LDAH: variants seen among roughly 807,000 people sequenced by gnomAD.
The protein encoded by LDAH is lipid droplet-associated hydrolase.
In LDAH, 26 loss-of-function variants were observed where a neutral mutation model predicts 29.6. The ratio of observed to expected loss-of-function variants is 0.88; its 90% CI spans 0.64 to 1.22. The LOEUF (loss-of-function observed/expected upper bound fraction) is 1.22. Among genes scored for constraint, LDAH ranks in the 50% most tolerant of loss-of-function variants. The pLI is 0.00. For synonymous variants in LDAH, 117 were observed against 133.0 expected (o/e 0.88, Z 0.83); for missense variants, 344 against 387.3 (o/e 0.89, Z 0.94).
At chr2:20,821,035 T>C (rs1402264419) in intron 1 of LDAH, among the ~76,000 whole-genome samples, 2 of 151,966 alleles carry the variant, frequency 1.3e-5, no homozygotes, top group Non-Finnish European at 2.9e-5. Context: ...TCACTGGCCA[T>C]CAGAGAAATG....
chr2:20,802,409 G>A (rs1284627188), intron 1 of LDAH, among the ~76,000 whole-genome samples: 3 of 152,094 alleles, frequency 2.0e-5, no homozygotes, highest in Admixed American at 2.0e-4. Context: ...TTATGAAATG[G>A]ATAGGTGGGA....
At chr2:20,797,094 C>A (rs931597116) in intron 2 of LDAH, among the ~76,000 whole-genome samples, 1 of 152,210 alleles carries the variant, frequency 6.6e-6, no homozygotes, top group South Asian at 2.1e-4. Context: ...TTCAAACTCT[C>A]CTTCACTACT....
At chr2:20,721,141 G>A (rs1159003021) in intron 5 of LDAH, among the ~76,000 whole-genome samples, 1 of 152,022 alleles carries the variant, frequency 6.6e-6, no homozygotes, top group Non-Finnish European at 1.5e-5. Context: ...ATTACACCAA[G>A]CTAAAAAGCT....
At chr2:20,695,341 C>G (rs1663360490) in intron 6 of LDAH, among the ~76,000 whole-genome samples, 3 of 152,056 alleles carry the variant, frequency 2.0e-5, no homozygotes, top group South Asian at 2.1e-4. Flanking sequence ...AGAAGAGGAA[C>G]AGTTAGGCAA....
At chr2:20,732,393 TAGCTTCA>T in intron 5 of LDAH, among the ~76,000 whole-genome samples, 2 of 152,312 alleles carry the variant, frequency 1.3e-5, no homozygotes, top group Middle Eastern at 6.8e-3. Context: ...TAGATAATAC[TAGCTTCA>T]AAAAGTGAAT....
intron 4 of LDAH, among the ~76,000 whole-genome samples, chr2:20,772,061 G>T (rs1252321672): frequency 6.6e-6 from 1 of 152,218 alleles, no homozygotes; most frequent in Non-Finnish European, 1.5e-5. Flanking sequence ...ACCTTGAGAT[G>T]CATTCTACTT....
intron 5 of LDAH, among the ~76,000 whole-genome samples, chr2:20,731,451 C>T (rs1396383890): frequency 6.6e-6 from 1 of 152,178 alleles, no homozygotes; most frequent in African/African-American, 2.4e-5. Context: ...AAGTGGATGC[C>T]TCTTCCTGTA....
At chr2:20,767,411 G>A in intron 4 of LDAH, among the ~76,000 whole-genome samples, 1 of 152,238 alleles carries the variant, frequency 6.6e-6, no homozygotes, top group Non-Finnish European at 1.5e-5. Flanking sequence ...CACTGTCACA[G>A]CCCGGCTGGG....
chr2:20,723,147 G>A (rs887725454), intron 5 of LDAH, among the ~76,000 whole-genome samples: 2 of 152,176 alleles, frequency 1.3e-5, no homozygotes, highest in Non-Finnish European at 2.9e-5. Flanking sequence ...CATTCATCCA[G>A]TGGAAAAGTA....
chr2:20,708,423 T>C (rs1664465924), intron 5 of LDAH, among the ~76,000 whole-genome samples: 1 of 152,120 alleles, frequency 6.6e-6, no homozygotes, highest in Non-Finnish European at 1.5e-5. Context: ...CTCAATAATA[T>C]TTATAGAAGT....
intron 5 of LDAH, among the ~76,000 whole-genome samples, chr2:20,723,712 C>T (rs1036248670): frequency 1.3e-5 from 2 of 151,994 alleles, no homozygotes; most frequent in African/African-American, 2.4e-5. Flanking sequence ...AATAATAATA[C>T]CAAATAGAAG....
At chr2:20,780,721 G>C (rs1388303132) in intron 3 of LDAH, among the ~76,000 whole-genome samples, 1 of 152,192 alleles carries the variant, frequency 6.6e-6, no homozygotes, top group Non-Finnish European at 1.5e-5. Flanking sequence ...CCCTACTTCT[G>C]TCTGCCCTGG....
At chr2:20,805,740 A>G (rs1221186337) in intron 1 of LDAH, among the ~76,000 whole-genome samples, 1 of 152,110 alleles carries the variant, frequency 6.6e-6, no homozygotes, top group Non-Finnish European at 1.5e-5. Flanking sequence ...TTCCAATTAA[A>G]TCTCATACAA....
At chr2:20,731,261 CTT>C (rs1213517841) in intron 5 of LDAH, among the ~76,000 whole-genome samples, 2 of 152,192 alleles carry the variant, frequency 1.3e-5, no homozygotes, top group African/African-American at 4.8e-5. Context: ...TTTCTCATGA[CTT>C]AACACCATCC....
chr2:20,737,826 C>A (rs544303063), intron 5 of LDAH, among the ~76,000 whole-genome samples: 125 of 152,198 alleles, frequency 8.2e-4, no homozygotes, highest in African/African-American at 2.8e-3. Flanking sequence ...GTAAGGCATT[C>A]CGAGCCTCTA....
At chr2:20,771,746 A>G (rs996094041) in intron 4 of LDAH, among the ~76,000 whole-genome samples, 1 of 150,394 alleles carries the variant, frequency 6.6e-6, no homozygotes, top group African/African-American at 2.5e-5. Context: ...CTACCCCCCA[A>G]AAGAGGTGAC....
At chr2:20,794,772 T>C (rs1334657702) in intron 2 of LDAH, among the ~76,000 whole-genome samples, 1 of 152,202 alleles carries the variant, frequency 6.6e-6, no homozygotes, top group Non-Finnish European at 1.5e-5. Context: ...TCACTTGCTA[T>C]AGTTCTCTGT....
intron 2 of LDAH, among the ~76,000 whole-genome samples, chr2:20,799,617 C>T (rs1236242467): frequency 6.6e-6 from 1 of 152,236 alleles, no homozygotes; most frequent in Admixed American, 6.5e-5. Flanking sequence ...ATAGAACTTA[C>T]ACCTTTCATC....
intron 5 of LDAH, among the ~76,000 whole-genome samples, chr2:20,705,572 C>T (rs914469506): frequency 6.6e-6 from 1 of 152,074 alleles, no homozygotes; most frequent in Non-Finnish European, 1.5e-5. Flanking sequence ...TCTTCTATAG[C>T]CTTTCTCTTT....
Sources: gnomAD v4.1 joint callset for allele counts (sites outside exome capture counted in the v4.1 genomes callset) on GRCh38, gnomAD v4.1.1 for gene constraint, MANE v1.5 for transcripts, NCBI Gene and HGNC (gene_info 2026-07-23, HGNC 2026-07-21) for gene names.